LAMA2: variants seen among roughly 807,000 people sequenced by gnomAD.
The protein encoded by LAMA2 is laminin subunit alpha-2.
LAMA2 carries 269 observed loss-of-function variants against 364.8 expected under a neutral mutation model. The observed-to-expected ratio is 0.74, with a 90% CI of 0.67 to 0.82. The LOEUF is 0.82. LAMA2 is among the 40% of genes least tolerant of loss of function. The pLI is 0.00. For missense variants in LAMA2, 3,807 were observed against 3,873.2 expected (o/e 0.98, Z 0.45); for synonymous variants, 1,379 against 1,370.6 (o/e 1.01, Z -0.14).
chr6:128,998,445 C>T (rs1459434680), intron 1 of LAMA2, among the ~76,000 whole-genome samples: 1 of 69,678 alleles, frequency 1.4e-5, no homozygotes, highest in Non-Finnish European at 2.7e-5. Context: ...CCAGTGTGAG[C>T]GACGCAGAAG....
intron 1 of LAMA2, among the ~76,000 whole-genome samples, chr6:129,009,453 T>A (rs941091555): frequency 6.6e-6 from 1 of 152,170 alleles, no homozygotes; most frequent in Admixed American, 6.5e-5. Context: ...CAAAAATCCA[T>A]TGTGAAAATA....
At chr6:128,990,593 G>A (rs1293409035) in intron 1 of LAMA2, among the ~76,000 whole-genome samples, 1 of 152,108 alleles carries the variant, frequency 6.6e-6, no homozygotes, top group African/African-American at 2.4e-5. Context: ...GTAGTTAGGC[G>A]ATTAAATATT....
At chr6:129,514,838 T>C (rs995210823) in intron 64 of LAMA2, among the ~76,000 whole-genome samples, 1 of 152,278 alleles carries the variant, frequency 6.6e-6, no homozygotes, top group South Asian at 2.1e-4. Flanking sequence ...CGTGGAGAGA[T>C]TGAAGCTGGA....
At chr6:129,405,194 A>T (rs1780186160) in intron 40 of LAMA2, among the ~76,000 whole-genome samples, 1 of 152,124 alleles carries the variant, frequency 6.6e-6, no homozygotes, top group South Asian at 2.1e-4. Flanking sequence ...GATTATTTTC[A>T]GCACCTAAAA....
At chr6:128,923,919 G>C (rs1021077946) in intron 1 of LAMA2, among the ~76,000 whole-genome samples, 1 of 152,110 alleles carries the variant, frequency 6.6e-6, no homozygotes, top group Non-Finnish European at 1.5e-5. Context: ...GGAGTGGGGA[G>C]CTGGCACCTA....
In LAMA2 at chr6:129,376,984, G is replaced by T. The variant is rs534754918; in HGVS notation, c.4960-6138G>T. Among the ~76,000 whole-genome samples the T allele has an allele frequency of 5.9e-5, 9 of 152,232 alleles. No homozygotes were observed. The South Asian group carries it at 1.7e-3, about 28-fold the overall frequency. ...AATATTTGTTTAATTAATTGTGAAT[G>T]ATTTTAAAAGCATTTGAACAACAAG... is the stretch of plus-strand genomic sequence containing the variant. On this transcript the variant is annotated intron_variant, in intron 34 of 64. Coordinates refer to ENST00000421865, the MANE Select transcript of LAMA2 (RefSeq NM_000426.4).
chr6:128,906,669 G>C (rs890628261), intron 1 of LAMA2, among the ~76,000 whole-genome samples: 5 of 152,074 alleles, frequency 3.3e-5, no homozygotes, highest in African/African-American at 9.7e-5. Flanking sequence ...TTTGGCTTTT[G>C]TTGCCATTGC....
In LAMA2 at chr6:129,438,749, A is replaced by C; in HGVS notation, c.6072A>C (p.Ser2024=). 6.5e-7 allele frequency: 1 copy of C among 1,550,050 alleles called. No individual in the cohort carries two copies. The highest frequency in any genetic ancestry group is 8.9e-7 in the Non-Finnish European group (1 of 1,121,904). The change falls in exon 42 of 65, where the codon TCA becomes TCC. Residue 2024 remains serine (S), a synonymous_variant. Coordinates refer to ENST00000421865, the MANE Select transcript of LAMA2 (RefSeq NM_000426.4). ...TGAATGACACTTTGGGAAAGTTATC[A>C]GCTATTCCAAATGGTAAGCATTCAG... The part of the protein sequence containing the change: ...RTLNDTLGKL[S]AIPNDTAAKL...
intron 30 of LAMA2, among the ~76,000 whole-genome samples, chr6:129,346,724 C>T (rs1776578187): frequency 6.6e-6 from 1 of 152,042 alleles, no homozygotes. Flanking sequence ...TGTTTCCTAG[C>T]CTTCTGGAGC....
At chr6:129,194,246 T>C (rs1403860677) in intron 12 of LAMA2, among the ~76,000 whole-genome samples, 2 of 152,132 alleles carry the variant, frequency 1.3e-5, no homozygotes, top group East Asian at 3.8e-4. Context: ...AGAAGAGCCT[T>C]AGGTCAAAAT....
At chr6:129,461,931 C>G (rs1015933967) in intron 49 of LAMA2, among the ~76,000 whole-genome samples, 1 of 151,806 alleles carries the variant, frequency 6.6e-6, no homozygotes, top group Non-Finnish European at 1.5e-5. Context: ...AATAAAAGTC[C>G]CTTTAAAAAG....
At chr6:129,107,989 T>C (rs1196429275) in intron 4 of LAMA2, among the ~76,000 whole-genome samples, 1 of 152,194 alleles carries the variant, frequency 6.6e-6, no homozygotes, top group Non-Finnish European at 1.5e-5. Flanking sequence ...GCTTATTTTT[T>C]ATTTTGGGGT....
chr6:129,258,097 T>C (rs930001252), intron 14 of LAMA2, among the ~76,000 whole-genome samples: 6 of 152,068 alleles, frequency 3.9e-5, no homozygotes, highest in African/African-American at 1.4e-4. Flanking sequence ...TGAACATGTA[T>C]GGAGATGATC....
intron 12 of LAMA2, among the ~76,000 whole-genome samples, chr6:129,243,893 T>C (rs184337887): frequency 4.4e-4 from 65 of 146,910 alleles, no homozygotes; most frequent in African/African-American, 1.6e-3. Context: ...GAGAAGGAGA[T>C]GAAGAAGAAA....
At chr6:129,455,090 A>T (rs1210999430) in intron 47 of LAMA2, among the ~76,000 whole-genome samples, 1 of 152,102 alleles carries the variant, frequency 6.6e-6, no homozygotes, top group Non-Finnish European at 1.5e-5. Flanking sequence ...AGAAAGAGCC[A>T]TGTGCAATGG....
chr6:129,072,553 G>A (rs888888853), intron 3 of LAMA2, among the ~76,000 whole-genome samples: 2 of 151,906 alleles, frequency 1.3e-5, no homozygotes, highest in African/African-American at 2.4e-5. Flanking sequence ...TACATTTAGT[G>A]TTACTATACT....
intron 12 of LAMA2, among the ~76,000 whole-genome samples, chr6:129,239,546 A>G (rs1785250879): frequency 6.6e-6 from 1 of 152,190 alleles, no homozygotes; most frequent in African/African-American, 2.4e-5. Flanking sequence ...CAGTGAGATC[A>G]GATCTAGTCC....
chr6:128,915,973 T>C (rs994110497), intron 1 of LAMA2, among the ~76,000 whole-genome samples: 1 of 152,204 alleles, frequency 6.6e-6, no homozygotes, highest in Non-Finnish European at 1.5e-5. Context: ...AGTCACTATT[T>C]TAAAAGGAAT....
At chr6:129,398,472 C>CTTTTTTTTTT (rs71028159) in intron 37 of LAMA2, among the ~76,000 whole-genome samples, 148 of 110,468 alleles carry the variant, frequency 1.3e-3, no homozygotes, top group East Asian at 1.9e-3. Flanking sequence ...CTTTTCTTTT[C>CTTTTTTTTTT]TTTTTTTTTT....
Sources: gnomAD v4.1 joint callset for allele counts (sites outside exome capture counted in the v4.1 genomes callset) on GRCh38, gnomAD v4.1.1 for gene constraint, MANE v1.5 for transcripts, NCBI Gene and HGNC (gene_info 2026-07-23, HGNC 2026-07-21) for gene names.